The following KIAA1549 variants were observed in gnomAD, a reference collection of about 807,000 sequenced individuals.
The protein encoded by KIAA1549 is KIAA1549.
A neutral mutation model predicts 156.4 loss-of-function variants in KIAA1549; 70 were observed. That is an observed-to-expected ratio of 0.45 (90% CI 0.37 to 0.55). KIAA1549 has a LOEUF of 0.55. KIAA1549 is among the 20% of genes least tolerant of loss of function. The pLI is 0.00. For synonymous variants in KIAA1549, 1,103 were observed against 1,066.4 expected, an observed-to-expected ratio of 1.03 and a Z score of -0.67; for missense variants, 2,428 against 2,540.9, an observed-to-expected ratio of 0.96 and a Z score of 0.96.
At chr7:138,893,637 T>C (rs1811603427) in intron 10 of KIAA1549, among the ~76,000 whole-genome samples, 1 of 152,222 alleles carries the variant, frequency 6.6e-6, no homozygotes, top group African/African-American at 2.4e-5. Flanking sequence ...TTTTTAATGA[T>C]CAAGGTGGGT....
At chr7:138,942,201 ACTGT>A (rs1198294947) in intron 1 of KIAA1549, among the ~76,000 whole-genome samples, 1 of 152,154 alleles carries the variant, frequency 6.6e-6, no homozygotes, top group Non-Finnish European at 1.5e-5. Flanking sequence ...ACAGCACCAC[ACTGT>A]CTCTCTGAAA....
intron 12 of KIAA1549, among the ~76,000 whole-genome samples, chr7:138,871,781 C>T (rs1311164172): frequency 6.6e-6 from 1 of 152,130 alleles, no homozygotes; most frequent in African/African-American, 2.4e-5. Context: ...GCAGGGAGCT[C>T]GCTGGAGTGA....
intron 9 of KIAA1549, among the ~76,000 whole-genome samples, chr7:138,897,844 G>A (rs919599849): frequency 2.6e-5 from 3 of 117,464 alleles, no homozygotes; most frequent in Non-Finnish European, 3.2e-5. Flanking sequence ...AGTGAGCTAC[G>A]ATCAAGCCAC....
chr7:138,927,799 CAT>C (rs890565713), intron 1 of KIAA1549, among the ~76,000 whole-genome samples: 2 of 152,216 alleles, frequency 1.3e-5, no homozygotes, highest in Non-Finnish European at 2.9e-5. Flanking sequence ...TAGATGTCCA[CAT>C]GTTTACCAAT....
rs757862778 is a variant in KIAA1549 at position 138,917,652 on chromosome 7, G to A, written c.1974C>T (p.Phe658=). ...LSLMPSDLSP[F]TSQSFSPLVE... is the part of the protein sequence containing the mutation. ...CCAAGGGAGAAAAAGACTGAGATGT[G>A]AAGGGGGACAAGTCACTCGGCATCA... Residue 658 remains phenylalanine (F), a synonymous_variant, in exon 2 of 20, where the codon TTC becomes TTT. Coordinates refer to ENST00000422774, the MANE Select transcript of KIAA1549 (RefSeq NM_001164665.2). 7.4e-6 allele frequency: 12 copies of A among 1,613,294 alleles called. No homozygotes were observed. Among genetic ancestry groups the A allele is most frequent in the Non-Finnish European group, 1.0e-5 (12 of 1,179,554 alleles).
chr7:138,973,062 A>G (rs28457802), intron 1 of KIAA1549, among the ~76,000 whole-genome samples: 37,748 of 152,020 alleles, frequency 0.25, 5,994 homozygotes, highest in African/African-American at 0.45. Flanking sequence ...CCTCAAGTGA[A>G]CTGCCTGCCT....
chr7:138,847,889 G>A lies in KIAA1549; in HGVS notation c.5295-3415C>T, dbSNP rs142504688. On this transcript the variant is annotated intron_variant, in intron 17 of 19. Coordinates refer to ENST00000422774, the MANE Select transcript of KIAA1549 (RefSeq NM_001164665.2). ...CAATCTGTGAACATCTTTCTTTAGA[G>A]GGCTTAAAAGTCTTTGGTTAGATTT... Among the ~76,000 whole-genome samples the A allele has an allele frequency of 7.7e-3, 1,166 of 152,018 alleles. 15 individuals carry two copies. The highest frequency in any genetic ancestry group is 0.026 in the African/African-American group (1,082 of 41,422).
At chr7:138,948,993 C>T (rs955904933) in intron 1 of KIAA1549, among the ~76,000 whole-genome samples, 2 of 152,122 alleles carry the variant, frequency 1.3e-5, no homozygotes, top group African/African-American at 2.4e-5. Context: ...GTGTGAGCCA[C>T]CGCGCCCGGC....
chr7:138,918,443 T>A lies in KIAA1549; in HGVS notation c.1183A>T (p.Ser395Cys). ...SDSSKTSELH[S>C]NSALPGPVDN... ...ACAGGACCGGGGAGGGCTGAATTGC[T>A]ATGCAATTCGGATGTTTTGCTGGAG... Residue 395 changes from serine to cysteine, a missense_variant, in exon 2 of 20, where the codon AGC becomes TGC. Physicochemically the swap from Ser to Cys is moderately radical, Grantham distance 112. Around this residue, in one of 5 missense-constraint regions of KIAA1549, gnomAD observed 893 missense variants for 847.9 expected, o/e 1.05. Coordinates refer to ENST00000422774, the MANE Select transcript of KIAA1549 (RefSeq NM_001164665.2). The surrounding 1 kb of genome is among the most constrained non-coding windows in gnomAD (Gnocchi z 4.2). The A allele has an allele frequency of 6.2e-7, 1 of 1,613,798 alleles. No individual in the cohort carries two copies.
intron 10 of KIAA1549, among the ~76,000 whole-genome samples, chr7:138,886,683 A>G (rs140282607): frequency 0.013 from 1,961 of 152,218 alleles, 21 homozygotes; most frequent in Middle Eastern, 0.027. Flanking sequence ...AGTAAACACA[A>G]TTTACAAAAA....
In KIAA1549 at chr7:138,832,104, C is replaced by A; in HGVS notation, c.*5802G>T. ...ACAGGAAAGACTATTCGTGATGCTC[C>A]AAGTAGCCCAGAAAGGTTCTGTGTA... On this transcript the variant is annotated 3_prime_UTR_variant, in exon 20 of 20. Transcript: ENST00000422774. 1 of 228,382 alleles carries A rather than the reference C, an allele frequency of 4.4e-6. No individual in the cohort carries two copies. The highest frequency in any genetic ancestry group is 6.2e-5 in the East Asian group (1 of 16,200). The allele number at this position is 228,382 out of a possible 1,614,324, so 14.1% of individuals were successfully genotyped here.
intron 1 of KIAA1549, among the ~76,000 whole-genome samples, chr7:138,960,287 T>TTTTATTTTA (rs1356727367): frequency 2.1e-4 from 19 of 90,168 alleles, no homozygotes; most frequent in African/African-American, 9.3e-4. Context: ...ATAAATTTTA[T>TTTTATTTTA]TTTATTGATT....
At chr7:138,902,804 G>A (rs2130449085) in intron 8 of KIAA1549, among the ~76,000 whole-genome samples, 1 of 152,034 alleles carries the variant, frequency 6.6e-6, no homozygotes, top group Middle Eastern at 3.4e-3. Flanking sequence ...GCGAGACTCT[G>A]TCTCAAGAAA....
In KIAA1549 at chr7:138,918,526, G is replaced by A. The variant is rs1346878118; in HGVS notation, c.1100C>T (p.Ala367Val). ...AGTTGGTGAAGCAGAGGACGCAAAT[G>A]CAAGAGGAGTTGAAAGCAATGGAGA... is the stretch of plus-strand genomic sequence containing the variant. ...THSPLLSTPL[A>V]FASSASPTDV... The change falls in exon 2 of 20, where the codon GCA becomes GTA. Residue 367 changes from alanine (A) to valine (V), a missense_variant. Transcript: ENST00000422774. This position sits in a 1 kb window ranked among gnomAD's most constrained non-coding sequence, Gnocchi z 4.2. 6.2e-7 allele frequency: 1 copy of A among 1,613,932 alleles called. No homozygotes were observed. The highest frequency in any genetic ancestry group is 1.3e-5 in the African/African-American group (1 of 74,940).
chr7:138,893,932 G>A (rs1393627126), intron 10 of KIAA1549, among the ~76,000 whole-genome samples: 1 of 152,212 alleles, frequency 6.6e-6, no homozygotes, highest in Non-Finnish European at 1.5e-5. Flanking sequence ...CTGGCCAGGT[G>A]TGGTGGCACA....
chr7:138,911,550 GAAT>G (rs1299110746), intron 3 of KIAA1549, among the ~76,000 whole-genome samples: 2 of 152,118 alleles, frequency 1.3e-5, no homozygotes, highest in African/African-American at 4.8e-5. Flanking sequence ...AATATGAACT[GAAT>G]AATGAGTTAT....
intron 2 of KIAA1549, among the ~76,000 whole-genome samples, chr7:138,913,623 TG>T (rs1812230968): frequency 6.6e-6 from 1 of 152,180 alleles, no homozygotes; most frequent in African/African-American, 2.4e-5. Flanking sequence ...AAAACAAAAA[TG>T]TTTAATTTAT....
chr7:138,911,132 C>A lies in KIAA1549; in HGVS notation c.3145+14G>T. On this transcript the variant is annotated intron_variant, in intron 4 of 19. Coordinates refer to ENST00000422774, the MANE Select transcript of KIAA1549 (RefSeq NM_001164665.2). ...CTTTTTACAAATAAAAACAACTATG[C>A]TGAGCTGTCTCACCTGTTTGAACTT... The A allele has an allele frequency of 1.3e-6, 2 of 1,501,002 alleles. No homozygotes were observed. Among genetic ancestry groups the A allele is most frequent in the Non-Finnish European group, 1.8e-6 (2 of 1,122,046 alleles). 93.0% of individuals were successfully genotyped at this position (1,501,002 alleles called of 1,614,324 possible). A position where few individuals can be genotyped will look rare whatever the true frequency, so the allele number is the denominator to read the frequency against.
chr7:138,838,570 TATCTGCACTAAAGCATAAA>T (rs1214498214), intron 19 of KIAA1549, among the ~76,000 whole-genome samples: 1 of 152,172 alleles, frequency 6.6e-6, no homozygotes, highest in African/African-American at 2.4e-5. Flanking sequence ...TTTAAAAACT[TATCTGCACTAAAGCATAAA>T]ATAGTTTTGC....
Sources: gnomAD v4.1 joint callset for allele counts (sites outside exome capture counted in the v4.1 genomes callset) on GRCh38, gnomAD v4.1.1 for gene constraint, gnomAD v4.1.1 regional missense constraint, Gnocchi (gnomAD v3.1) non-coding constraint, MANE v1.5 for transcripts, NCBI Gene and HGNC (gene_info 2026-07-23, HGNC 2026-07-21) for gene names.